Variants in ZBTB20 observed in about 807,000 individuals in gnomAD.
ZBTB20 encodes zinc finger and BTB domain-containing protein 20.
A neutral mutation model predicts 56.9 loss-of-function variants in ZBTB20; 9 were observed. The observed-to-expected ratio is 0.16, with a 90% CI of 0.10 to 0.28. The LOEUF is 0.28. Ranked by LOEUF, ZBTB20 falls within the 10% of genes least tolerant of loss-of-function variation. The pLI, the probability that ZBTB20 is intolerant of heterozygous loss-of-function variation, is 1.00. For missense variants in ZBTB20, 655 were observed against 1,003.0 expected (o/e 0.65, Z 4.69); for synonymous variants, 417 against 420.7 (o/e 0.99, Z 0.11).
chr3:114,879,911 T>G (rs550900973), intron 4 of ZBTB20, among the ~76,000 whole-genome samples: 8 of 152,214 alleles, frequency 5.3e-5, no homozygotes, highest in African/African-American at 1.9e-4. Flanking sequence ...ACCTGCTGGG[T>G]TAATTGGGCC....
intron 3 of ZBTB20, among the ~76,000 whole-genome samples, chr3:114,944,179 C>T (rs2076812401): frequency 6.9e-6 from 1 of 145,336 alleles, no homozygotes; most frequent in Non-Finnish European, 1.5e-5. Context: ...AAGATCTGAA[C>T]ACACATTTCT....
intron 2 of ZBTB20, among the ~76,000 whole-genome samples, chr3:115,053,875 T>A (rs756618838): frequency 1.6e-4 from 24 of 152,114 alleles, no homozygotes; most frequent in Non-Finnish European, 2.6e-4. Flanking sequence ...TAAGGACATG[T>A]TACAAAGTTT....
intron 7 of ZBTB20, among the ~76,000 whole-genome samples, chr3:114,404,888 A>C (rs1341800405): frequency 6.6e-6 from 1 of 152,148 alleles, no homozygotes; most frequent in African/African-American, 2.4e-5. Context: ...CCCTCTGGAC[A>C]CAACTCACGA....
intron 3 of ZBTB20, among the ~76,000 whole-genome samples, chr3:114,962,403 A>G (rs2077487788): frequency 6.6e-6 from 1 of 152,114 alleles, no homozygotes; most frequent in African/African-American, 2.4e-5. Flanking sequence ...AGGAAATAAA[A>G]ACAAGTAATA....
At chr3:114,883,977 G>C (rs1308111585) in intron 4 of ZBTB20, among the ~76,000 whole-genome samples, 1 of 99,204 alleles carries the variant, frequency 1.0e-5, no homozygotes, top group Admixed American at 1.6e-4. Flanking sequence ...CCAGGCTGGA[G>C]TGCAGTGGCA....
intron 2 of ZBTB20, among the ~76,000 whole-genome samples, chr3:115,032,254 T>C (rs1255077353): frequency 2.0e-5 from 3 of 151,432 alleles, no homozygotes; most frequent in Non-Finnish European, 3.0e-5. Context: ...CAATAAATTA[T>C]ATTGTGTTAG....
intron 4 of ZBTB20, among the ~76,000 whole-genome samples, chr3:114,844,131 A>C (rs2074529573): frequency 6.6e-6 from 1 of 151,832 alleles, no homozygotes; most frequent in Non-Finnish European, 1.5e-5. Context: ...ATGCAGCGAA[A>C]AAAATGGTGA....
At chr3:115,083,008 T>C (rs1033601329) in intron 1 of ZBTB20, among the ~76,000 whole-genome samples, 1 of 152,052 alleles carries the variant, frequency 6.6e-6, no homozygotes, top group Non-Finnish European at 1.5e-5. Flanking sequence ...AAATGCTTTA[T>C]GGATTCTACT....
At chr3:114,852,603 T>C (rs1376657117) in intron 4 of ZBTB20, among the ~76,000 whole-genome samples, 2 of 152,128 alleles carry the variant, frequency 1.3e-5, no homozygotes, top group Non-Finnish European at 2.9e-5. Flanking sequence ...ATGTCTTCTA[T>C]TTATTTGCTA....
At chr3:114,738,668 C>T (rs1411185394) in intron 5 of ZBTB20, among the ~76,000 whole-genome samples, 1 of 152,122 alleles carries the variant, frequency 6.6e-6, no homozygotes, top group African/African-American at 2.4e-5. Context: ...GCATAAAAAA[C>T]AGGACAAAAC....
intron 5 of ZBTB20, among the ~76,000 whole-genome samples, chr3:114,786,583 T>TATA (rs1204723319): frequency 2.0e-5 from 3 of 151,184 alleles, no homozygotes; most frequent in African/African-American, 7.3e-5. Context: ...GTATCAGAAA[T>TATA]ATAATAATAA....
chr3:114,934,493 A>G (rs1026903671), intron 3 of ZBTB20, among the ~76,000 whole-genome samples: 4 of 152,218 alleles, frequency 2.6e-5, no homozygotes, highest in African/African-American at 9.7e-5. Flanking sequence ...ATCTGTGCCT[A>G]GAACATAGCT....
At chr3:114,530,603 T>C (rs2047732460) in intron 6 of ZBTB20, among the ~76,000 whole-genome samples, 1 of 152,196 alleles carries the variant, frequency 6.6e-6, no homozygotes, top group African/African-American at 2.4e-5. Flanking sequence ...AAGAGCTAAC[T>C]TGAGAAATCT....
At chr3:114,660,930 G>T (rs2060688084) in intron 6 of ZBTB20, among the ~76,000 whole-genome samples, 1 of 152,022 alleles carries the variant, frequency 6.6e-6, no homozygotes, top group Non-Finnish European at 1.5e-5. Flanking sequence ...GAAGCTTTTG[G>T]ACCTCTCTCT....
chr3:114,826,749 T>C (rs1456515402), intron 4 of ZBTB20, among the ~76,000 whole-genome samples: 1 of 151,700 alleles, frequency 6.6e-6, no homozygotes, highest in Non-Finnish European at 1.5e-5. Flanking sequence ...TTAAGCCTCC[T>C]ACATGAAAGC....
intron 7 of ZBTB20, among the ~76,000 whole-genome samples, chr3:114,393,361 C>T (rs535610955): frequency 6.6e-6 from 1 of 152,318 alleles, no homozygotes; most frequent in Admixed American, 6.5e-5. Flanking sequence ...TATAAATGTA[C>T]ATTTTAAATA....
chr3:114,542,705 T>G (rs2049264780), intron 6 of ZBTB20, among the ~76,000 whole-genome samples: 1 of 152,228 alleles, frequency 6.6e-6, no homozygotes. Context: ...ATACATGTGT[T>G]CTACCTACTT....
chr3:115,045,658 T>C (rs915222389), intron 2 of ZBTB20, among the ~76,000 whole-genome samples: 1 of 152,024 alleles, frequency 6.6e-6, no homozygotes. Flanking sequence ...AAGACTTTTA[T>C]AATAGGAAAG....
intron 11 of ZBTB20, among the ~76,000 whole-genome samples, chr3:114,346,340 T>C (rs907410665): frequency 2.6e-5 from 4 of 152,230 alleles, no homozygotes; most frequent in Admixed American, 6.5e-5. Flanking sequence ...TGAGGATTTT[T>C]AATTTTTCTA....
Sources: gnomAD v4.1 joint callset for allele counts (sites outside exome capture counted in the v4.1 genomes callset) on GRCh38, gnomAD v4.1.1 for gene constraint, MANE v1.5 for transcripts, NCBI Gene and HGNC (gene_info 2026-07-23, HGNC 2026-07-21) for gene names.